CYP26C1: variants seen among roughly 807,000 people sequenced by gnomAD.
The protein encoded by CYP26C1 is cytochrome P450 family 26 subfamily C member 1, also known as cytochrome P450 26C1.
CYP26C1 carries 41 observed loss-of-function variants against 39.1 expected under a neutral mutation model. That is an observed-to-expected ratio of 1.05 (90% confidence interval 0.82 to 1.36). The LOEUF (loss-of-function observed/expected upper bound fraction) is 1.36, where lower values mean the gene tolerates loss of function less well. CYP26C1 is among the 40% of genes most tolerant of loss of function. The pLI is 0.00. For missense variants in CYP26C1, 833 were observed against 752.0 expected, an observed-to-expected ratio of 1.11 and a Z score of -1.26; for synonymous variants, 362 against 350.8, an observed-to-expected ratio of 1.03 and a Z score of -0.36.
chr10:93,063,088 G>A, intron 3 of CYP26C1, 93 bp downstream of exon 3: 3 of 1,476,464 alleles, frequency 2.0e-6, no homozygotes, highest in Admixed American at 2.3e-5. Context: ...CGCACCCCGC[G>A]CGTCCGTCAC....
chr10:93,062,030 T>C lies in CYP26C1; in HGVS notation c.225T>C (p.Ser75=). Residue 75 remains serine (S), a synonymous_variant, in exon 2 of 6, where the codon TCT becomes TCC. Coordinates refer to ENST00000651965, the MANE Select transcript of CYP26C1 (RefSeq NM_183374.3). ...CGCAGGGCTCGCGCTTCCACAGTTC[T>C]CGCCGAGAGCGCTATGGGACAGTGT... ...WLVQGSRFHS[S]RRERYGTVFK... is the part of the protein sequence containing the mutation. The C allele has an allele frequency of 6.4e-7, 1 of 1,570,498 alleles. No individual in the cohort carries two copies. The highest frequency in any genetic ancestry group is 8.6e-7 in the Non-Finnish European group (1 of 1,158,434).
In CYP26C1 at chr10:93,068,791, A is replaced by C; in HGVS notation, c.*94A>C. On this transcript the variant is annotated 3_prime_UTR_variant, in exon 6 of 6. Transcript: ENST00000651965. ...CTCCCCATTGTAGCGTCGCGCGCCCACTCTTTCACTCGTTCAACAATCTTT... is the reference window on the plus strand; with the variant it reads ...CTCCCCATTGTAGCGTCGCGCGCCCCCTCTTTCACTCGTTCAACAATCTTT... 7.1e-7 allele frequency: 1 copy of C among 1,415,002 alleles called. No homozygotes were observed. The highest frequency in any genetic ancestry group is 9.2e-7 in the Non-Finnish European group (1 of 1,081,662). The allele number at this position is 1,415,002 out of a possible 1,614,324, so 87.7% of individuals were successfully genotyped here.
In CYP26C1 at chr10:93,060,830, G is replaced by GATCT; in HGVS notation, c.-434_-433insATCT. The GATCT allele has an allele frequency of 1.9e-5, 4 of 206,322 alleles. No homozygotes were observed. The highest frequency in any genetic ancestry group is 3.9e-5 in the Non-Finnish European group (4 of 103,504). 12.8% of individuals were successfully genotyped at this position (206,322 alleles called of 1,614,324 possible). The stretch of plus-strand genomic sequence containing the variant: ...AACGACTGGAGGAGGGACAGGTGGG[G>GATCT]CGGGGGTCTGCAGACCAGGTTGGCA... On this transcript the variant is annotated 5_prime_UTR_variant, in exon 1 of 6. Transcript: ENST00000651965.
chr10:93,065,967 G>T lies in CYP26C1; in HGVS notation c.873G>T (p.Val291=). Residue 291 remains valine (V), a synonymous_variant, in exon 5 of 6, where the codon GTG becomes GTT. Transcript: ENST00000651965. ...PSMQELKESA[V]ELLFAAFFTT... The stretch of plus-strand genomic sequence containing the variant: ...GGGCTGTCTTGCAGGAGTCGGCTGT[G>T]GAGCTCCTCTTCGCCGCCTTCTTCA... 2 of 1,582,388 alleles carry T rather than the reference G, an allele frequency of 1.3e-6. No individual in the cohort carries two copies. Among genetic ancestry groups the T allele is most frequent in the Non-Finnish European group, 1.7e-6 (2 of 1,166,160 alleles).
chr10:93,063,171 C>T, intron 3 of CYP26C1, 176 bp downstream of exon 3: 1 of 1,387,626 alleles, frequency 7.2e-7, no homozygotes, highest in Non-Finnish European at 9.3e-7. Flanking sequence ...GGCTCTGGGC[C>T]TGGCCTCTGT....
chr10:93,064,801 C>A (rs765904013), intron 4 of CYP26C1: 3 of 1,162,934 alleles, frequency 2.6e-6, no homozygotes, highest in Non-Finnish European at 3.2e-6. Context: ...TTTCTGGCCA[C>A]AAATGGCTCT....
chr10:93,068,823 A>C lies in CYP26C1; in HGVS notation c.*126A>C. On this transcript the variant is annotated 3_prime_UTR_variant, in exon 6 of 6. Coordinates refer to ENST00000651965, the MANE Select transcript of CYP26C1 (RefSeq NM_183374.3). ...CACTCGTTCAACAATCTTTCAACAA[A>C]TGTTCGCCAAACGCGGATGTGTGCC... The C allele has an allele frequency of 1.5e-6, 2 of 1,364,664 alleles. No homozygotes were observed. Among genetic ancestry groups the C allele is most frequent in the Non-Finnish European group, 1.9e-6 (2 of 1,049,616 alleles). 84.5% of individuals were successfully genotyped at this position (1,364,664 alleles called of 1,614,324 possible).
chr10:93,068,987 A>T lies in CYP26C1; in HGVS notation c.*290A>T. 1 of 365,876 alleles carries T rather than the reference A, an allele frequency of 2.7e-6. No homozygotes were observed. Among genetic ancestry groups the T allele is most frequent in the African/African-American group, 2.1e-5 (1 of 47,602 alleles). The allele number at this position is 365,876 out of a possible 1,614,324, so 22.7% of individuals were successfully genotyped here. A position where few individuals can be genotyped will look rare whatever the true frequency, so the allele number is the denominator to read the frequency against. ...AAGCAGGAATGGAGGGAATAGATAGATCCCCACGAGGTGCTGCTTGGCTTC... is the reference window on the plus strand; with the variant it reads ...AAGCAGGAATGGAGGGAATAGATAGTTCCCCACGAGGTGCTGCTTGGCTTC... On this transcript the variant is annotated 3_prime_UTR_variant, in exon 6 of 6. Transcript: ENST00000651965.
rs1164136160 is a variant in CYP26C1, at chr10:93,068,546, C to T, written c.1418C>T (p.Ala473Val). ...GCGCAAGCCGTGCTCCAGCTGCTAGCTGTGGAGCTAGTGCGCACCGCGCGC... is the reference window on the plus strand; with the variant it reads ...GCGCAAGCCGTGCTCCAGCTGCTAGTTGTGGAGCTAGTGCGCACCGCGCGC... ...ELAQAVLQLL[A>V]VELVRTARWE... Residue 473 changes from alanine (A) to valine (V), a missense_variant, in exon 6 of 6, where the codon GCT becomes GTT. Transcript: ENST00000651965. 1 of 1,598,910 alleles carries T rather than the reference C, an allele frequency of 6.3e-7. No individual in the cohort carries two copies.
Position 93,065,941 on chromosome 10 carries a change from G to T in CYP26C1, c.862-15G>T. The T allele has an allele frequency of 6.4e-7, 1 of 1,571,270 alleles. No homozygotes were observed. The highest frequency in any genetic ancestry group is 8.6e-7 in the Non-Finnish European group (1 of 1,161,348). Reference sequence around the variant, plus strand: ...CACCGCCCGAGACTCAGTGCAGCCCGGGGCTGTCTTGCAGGAGTCGGCTGT... The same window carrying T: ...CACCGCCCGAGACTCAGTGCAGCCCTGGGCTGTCTTGCAGGAGTCGGCTGT... On this transcript the variant is annotated splice_polypyrimidine_tract_variant and intron_variant, in intron 4 of 5. Coordinates refer to ENST00000651965, the MANE Select transcript of CYP26C1 (RefSeq NM_183374.3).
At chr10:93,061,509 T>G in intron 1 of CYP26C1, 42 bp downstream of exon 1, 1 of 1,544,586 alleles carries the variant, frequency 6.5e-7, no homozygotes, top group Non-Finnish European at 8.7e-7. Flanking sequence ...CGGTCCCTTC[T>G]TCCCCCGGCT....
Position 93,068,819 on chromosome 10 carries a change from A to G in CYP26C1, c.*122A>G. On this transcript the variant is annotated 3_prime_UTR_variant, in exon 6 of 6. Transcript: ENST00000651965. The stretch of plus-strand genomic sequence containing the variant: ...CTTTCACTCGTTCAACAATCTTTCA[A>G]CAAATGTTCGCCAAACGCGGATGTG... The G allele has an allele frequency of 1.5e-6, 2 of 1,377,510 alleles. No homozygotes were observed. The highest frequency in any genetic ancestry group is 9.4e-7 in the Non-Finnish European group (1 of 1,059,034). The allele number at this position is 1,377,510 out of a possible 1,614,324, so 85.3% of individuals were successfully genotyped here. A position where few individuals can be genotyped will look rare whatever the true frequency, so the allele number is the denominator to read the frequency against.
chr10:93,061,580 C>T, intron 1 of CYP26C1, 113 bp downstream of exon 1: 1 of 1,335,730 alleles, frequency 7.5e-7, no homozygotes, highest in African/African-American at 1.5e-5. Flanking sequence ...CTGCCCATCG[C>T]CCACGACCCC....
At position 93,068,484 on chromosome 10, in the gene CYP26C1, C is replaced by A. The variant is rs781525825; in HGVS notation, c.1356C>A (p.Phe452Leu). 2 of 1,609,510 alleles carry A rather than the reference C, an allele frequency of 1.2e-6. No individual in the cohort carries two copies. The highest frequency in any genetic ancestry group is 1.7e-6 in the Non-Finnish European group (2 of 1,178,328). Residue 452 changes from phenylalanine (F) to leucine (L), a missense_variant, in exon 6 of 6, where the codon TTC becomes TTA. Phe to Leu is a conservative substitution (Grantham distance 22, BLOSUM62 0). Coordinates refer to ENST00000651965, the MANE Select transcript of CYP26C1 (RefSeq NM_183374.3). ...CCAGCCGCTTCCATTACATCCCGTT[C>A]GGCGGCGGTGCGCGCAGCTGCCTCG... ...GASSRFHYIP[F>L]GGGARSCLGQ... is the part of the protein sequence containing the mutation.
At chr10:93,064,051 T>C in intron 3 of CYP26C1, 1 of 1,119,826 alleles carries the variant, frequency 8.9e-7, no homozygotes, top group Non-Finnish European at 1.1e-6. Context: ...CGCACTGGGC[T>C]CTGTGCCAGG....
At position 93,068,955 on chromosome 10, in the gene CYP26C1, G is replaced by C. The variant is rs1245194965; in HGVS notation, c.*258G>C. 2 of 519,786 alleles carry C rather than the reference G, an allele frequency of 3.8e-6. No individual in the cohort carries two copies. Among genetic ancestry groups the C allele is most frequent in the Admixed American group, 8.7e-5 (2 of 23,078 alleles). 32.2% of individuals were successfully genotyped at this position (519,786 alleles called of 1,614,324 possible). On this transcript the variant is annotated 3_prime_UTR_variant, in exon 6 of 6. Coordinates refer to ENST00000651965, the MANE Select transcript of CYP26C1 (RefSeq NM_183374.3). ...CCGCGCCCAGAGGAAGGAAAATGTCGTGGGCCAAGCAGGAATGGAGGGAAT... is the reference window on the plus strand; with the variant it reads ...CCGCGCCCAGAGGAAGGAAAATGTCCTGGGCCAAGCAGGAATGGAGGGAAT...
Position 93,068,931 on chromosome 10 carries a change from C to T in CYP26C1, c.*234C>T, listed in dbSNP as rs771263176. ...CCATGGGAAGATGCCTTCTGCGCTCCGCGCCCAGAGGAAGGAAAATGTCGT... is the reference window on the plus strand; with the variant it reads ...CCATGGGAAGATGCCTTCTGCGCTCTGCGCCCAGAGGAAGGAAAATGTCGT... On this transcript the variant is annotated 3_prime_UTR_variant, in exon 6 of 6. Coordinates refer to ENST00000651965, the MANE Select transcript of CYP26C1 (RefSeq NM_183374.3). The T allele has an allele frequency of 3.2e-6, 2 of 617,154 alleles. No individual in the cohort carries two copies. The highest frequency in any genetic ancestry group is 4.9e-6 in the Non-Finnish European group (2 of 405,594). The allele number at this position is 617,154 out of a possible 1,614,324, so 38.2% of individuals were successfully genotyped here.
chr10:93,064,089 G>C (rs1716446903), intron 3 of CYP26C1: 6 of 1,192,456 alleles, frequency 5.0e-6, no homozygotes, highest in Admixed American at 4.0e-5. Flanking sequence ...GTGTGACTCT[G>C]GGCAATTGCT....
Position 93,066,324 on chromosome 10 carries a change from TCCTGCCGCCTGCCG to T in CYP26C1, c.1191+62_1191+75del, listed in dbSNP as rs76924069. 4,161 of 1,232,604 alleles carry T rather than the reference TCCTGCCGCCTGCCG, an allele frequency of 3.4e-3. 74 individuals are homozygous for T. In the East Asian group the frequency reaches 0.041, roughly 12 times the overall value. 76.4% of individuals were successfully genotyped at this position (1,232,604 alleles called of 1,614,324 possible). ...GCCAGCCCATGGCCAGCCTCCTGCCTCCTGCCGCCTGCCGCCTGCCGCCTGCCGCCTGCCGCGGC... is the reference window on the plus strand; with the variant it reads ...GCCAGCCCATGGCCAGCCTCCTGCCTCCTGCCGCCTGCCGCCTGCCGCGGC... On this transcript the variant is annotated intron_variant, in intron 5 of 5. Coordinates refer to ENST00000651965, the MANE Select transcript of CYP26C1 (RefSeq NM_183374.3).
Sources: gnomAD v4.1 joint callset for allele counts on GRCh38, gnomAD v4.1.1 for gene constraint, MANE v1.5 for transcripts, NCBI Gene and HGNC (gene_info 2026-07-23, HGNC 2026-07-21) for gene names.